The following LRRTM4 variants were observed in gnomAD, a reference collection of about 807,000 sequenced individuals.
LRRTM4 encodes the protein leucine rich repeat transmembrane neuronal 4, also known as leucine-rich repeat transmembrane neuronal protein 4.
LRRTM4 carries 25 observed loss-of-function variants against 47.6 expected under a neutral mutation model. The observed-to-expected ratio is 0.53, with a 90% CI of 0.38 to 0.73. The LOEUF (loss-of-function observed/expected upper bound fraction) is 0.73. LRRTM4 is among the 30% of genes least tolerant of loss of function. The pLI, the probability that LRRTM4 is intolerant of heterozygous loss-of-function variation, is 0.00. For missense variants in LRRTM4, 638 were observed against 713.4 expected (o/e 0.89, Z 1.20); for synonymous variants, 311 against 269.5 (o/e 1.15, Z -1.51).
At chr2:76,938,675 T>C (rs949239042) in intron 3 of LRRTM4, among the ~76,000 whole-genome samples, 3 of 152,136 alleles carry the variant, frequency 2.0e-5, no homozygotes, top group Non-Finnish European at 4.4e-5. Flanking sequence ...AACTAACCAA[T>C]TGTTTTTCTC....
At chr2:76,969,659 T>C (rs1376954932) in intron 3 of LRRTM4, among the ~76,000 whole-genome samples, 2 of 151,950 alleles carry the variant, frequency 1.3e-5, no homozygotes, top group Non-Finnish European at 2.9e-5. Context: ...AAATAATACA[T>C]TTACCAGTAA....
chr2:77,074,322 G>A (rs1037714967), intron 3 of LRRTM4, among the ~76,000 whole-genome samples: 8 of 152,090 alleles, frequency 5.3e-5, no homozygotes, highest in Admixed American at 3.9e-4. Flanking sequence ...CTGTCTTCAT[G>A]GGCCTGGCTG....
At chr2:77,134,873 C>A (rs968553956) in intron 3 of LRRTM4, among the ~76,000 whole-genome samples, 3 of 152,114 alleles carry the variant, frequency 2.0e-5, no homozygotes, top group African/African-American at 7.2e-5. Flanking sequence ...CACATCTATG[C>A]TCAGCTTCCA....
At chr2:77,322,274 T>G (rs1677818516) in intron 3 of LRRTM4, among the ~76,000 whole-genome samples, 2 of 152,066 alleles carry the variant, frequency 1.3e-5, no homozygotes, top group Non-Finnish European at 2.9e-5. Context: ...ATGGGTAACT[T>G]CCTCTAAATA....
rs372962972 is a variant in LRRTM4, at chr2:77,284,122, TTGTC to T, written c.1551+234192_1551+234195del. ...TTGAAATTGTGTTGTGTTCCTTTCT[TTGTC>T]TAACAAGTGAAGCTCACTCTGATTT... On this transcript the variant is annotated intron_variant, in intron 3 of 3. Transcript: ENST00000409884. Among the ~76,000 whole-genome samples the T allele has an allele frequency of 1.1e-4, 17 of 152,216 alleles. 1 individual carries two copies. In the East Asian group the frequency reaches 3.1e-3, roughly 28 times the overall value.
intron 3 of LRRTM4, among the ~76,000 whole-genome samples, chr2:77,125,980 A>G (rs1007213202): frequency 2.0e-5 from 3 of 151,172 alleles, no homozygotes; most frequent in Non-Finnish European, 4.4e-5. Flanking sequence ...GACATATACT[A>G]GACTGACCAT....
chr2:76,948,847 T>C (rs746848067), intron 3 of LRRTM4, among the ~76,000 whole-genome samples: 1 of 151,898 alleles, frequency 6.6e-6, no homozygotes. Context: ...CTCATAATAA[T>C]GCTATTAATC....
intron 3 of LRRTM4, among the ~76,000 whole-genome samples, chr2:77,335,973 G>A (rs1297801462): frequency 2.6e-5 from 4 of 152,056 alleles, no homozygotes; most frequent in Admixed American, 6.6e-5. Context: ...AAATGAATGG[G>A]AGTAACTGGG....
At position 77,177,138 on chromosome 2, in the gene LRRTM4, T is replaced by G. The variant is rs192791675; in HGVS notation, c.1551+341180A>C. 6.0e-4 allele frequency among the ~76,000 whole-genome samples: 92 copies of G among 152,292 alleles called. 1 individual carries two copies. Among genetic ancestry groups the G allele is most frequent in the African/African-American group, 2.2e-3 (90 of 41,568 alleles). On this transcript the variant is annotated intron_variant, in intron 3 of 3. Transcript: ENST00000409884. Reference sequence around the variant, plus strand: ...CAGCAGCCCTAGGGGCTGCTCTACCTATGGAGTAGCCACACTTTTATTCTT... The same window carrying G: ...CAGCAGCCCTAGGGGCTGCTCTACCGATGGAGTAGCCACACTTTTATTCTT...
chr2:77,027,715 T>A (rs1482855796), intron 3 of LRRTM4, among the ~76,000 whole-genome samples: 1 of 152,136 alleles, frequency 6.6e-6, no homozygotes, highest in East Asian at 1.9e-4. Context: ...TTTTATTGAC[T>A]GTTTGGCTTT....
At chr2:77,146,245 C>T (rs1672258853) in intron 3 of LRRTM4, among the ~76,000 whole-genome samples, 1 of 152,128 alleles carries the variant, frequency 6.6e-6, no homozygotes, top group African/African-American at 2.4e-5. Context: ...AGACGGGGAA[C>T]AGAATTATAG....
intron 3 of LRRTM4, among the ~76,000 whole-genome samples, chr2:77,062,622 G>A (rs900827669): frequency 1.3e-5 from 2 of 152,164 alleles, no homozygotes; most frequent in Non-Finnish European, 2.9e-5. Flanking sequence ...CCCTAGAATA[G>A]AGGAGGAGAG....
At chr2:77,019,999 T>C (rs1305776266) in intron 3 of LRRTM4, among the ~76,000 whole-genome samples, 1 of 151,998 alleles carries the variant, frequency 6.6e-6, no homozygotes, top group African/African-American at 2.4e-5. Context: ...GATAGCAAAA[T>C]AGTTGGAAAA....
chr2:76,955,771 G>C (rs185053448), intron 3 of LRRTM4, among the ~76,000 whole-genome samples: 3 of 151,582 alleles, frequency 2.0e-5, no homozygotes, highest in Non-Finnish European at 4.4e-5. Context: ...GTGGATGACC[G>C]TCTGCAACCA....
intron 3 of LRRTM4, among the ~76,000 whole-genome samples, chr2:76,793,229 C>T (rs969237358): frequency 1.3e-5 from 2 of 152,072 alleles, no homozygotes; most frequent in Admixed American, 1.3e-4. Flanking sequence ...TTGGTGTTGT[C>T]AATATTGTTC....
intron 3 of LRRTM4, among the ~76,000 whole-genome samples, chr2:76,783,944 G>A (rs1674531552): frequency 6.6e-6 from 1 of 152,120 alleles, no homozygotes; most frequent in Non-Finnish European, 1.5e-5. Flanking sequence ...TGATTCATTA[G>A]TAAAAATGTA....
At chr2:76,997,798 C>T (rs570813071) in intron 3 of LRRTM4, among the ~76,000 whole-genome samples, 40 of 152,216 alleles carry the variant, frequency 2.6e-4, no homozygotes, top group African/African-American at 9.4e-4. Context: ...TCATCTGTAT[C>T]TACAGCTGCT....
chr2:77,499,684 T>C (rs1418767004), intron 3 of LRRTM4, among the ~76,000 whole-genome samples: 1 of 151,906 alleles, frequency 6.6e-6, no homozygotes, highest in Non-Finnish European at 1.5e-5. Flanking sequence ...ATTTTATTTG[T>C]CCAGCATAGT....
chr2:77,510,524 G>T (rs1678944556), intron 3 of LRRTM4, among the ~76,000 whole-genome samples: 3 of 151,970 alleles, frequency 2.0e-5, no homozygotes, highest in Admixed American at 2.0e-4. Context: ...GAATTAAGTA[G>T]CACTGTCCTT....
Sources: gnomAD v4.1 joint callset for allele counts (sites outside exome capture counted in the v4.1 genomes callset) on GRCh38, gnomAD v4.1.1 for gene constraint, MANE v1.5 for transcripts, NCBI Gene and HGNC (gene_info 2026-07-23, HGNC 2026-07-21) for gene names.